The following RALGPS1 variants were observed in gnomAD, a reference collection of about 807,000 sequenced individuals.
The protein encoded by RALGPS1 is ras-specific guanine nucleotide-releasing factor RalGPS1.
In RALGPS1, 19 loss-of-function variants were observed where a neutral mutation model predicts 78.8. The observed-to-expected ratio is 0.24, with a 90% CI of 0.17 to 0.35. The LOEUF (loss-of-function observed/expected upper bound fraction) is 0.35, where lower values mean the gene tolerates loss of function less well. Among genes scored for constraint, RALGPS1 ranks in the 10% least tolerant of loss-of-function variants. The pLI is 1.00. For synonymous variants in RALGPS1, 228 were observed against 256.3 expected (o/e 0.89, Z 1.06); for missense variants, 454 against 688.3 (o/e 0.66, Z 3.81).
intron 8 of RALGPS1, among the ~76,000 whole-genome samples, chr9:127,136,731 C>T (rs143623010): frequency 3.3e-5 from 5 of 152,228 alleles, no homozygotes; most frequent in Admixed American, 6.5e-5. Flanking sequence ...ATTGTGATCA[C>T]GCAGGACCTG....
intron 8 of RALGPS1, 28 bp from the exon 9 acceptor site, chr9:127,166,041 C>G (rs1486409055): frequency 6.3e-7 from 1 of 1,589,032 alleles, no homozygotes; most frequent in Non-Finnish European, 8.5e-7. Flanking sequence ...AAGCTCCTTC[C>G]ATCATGAAAT....
chr9:126,988,408 T>A (rs988250733), intron 4 of RALGPS1, among the ~76,000 whole-genome samples: 2 of 151,924 alleles, frequency 1.3e-5, no homozygotes, highest in African/African-American at 4.8e-5. Flanking sequence ...CTGAGAGATT[T>A]AAAAAAACAA....
Position 127,221,537 on chromosome 9 carries a change from T to C in RALGPS1, c.*2768T>C, listed in dbSNP as rs2062775143. 6.6e-6 allele frequency: 1 copy of C among 152,148 alleles called. No individual in the cohort carries two copies. Among genetic ancestry groups the C allele is most frequent in the African/African-American group, 2.4e-5 (1 of 41,430 alleles). 9.4% of individuals were successfully genotyped at this position (152,148 alleles called of 1,614,324 possible). A position where few individuals can be genotyped will look rare whatever the true frequency, so the allele number is the denominator to read the frequency against. On this transcript the variant is annotated 3_prime_UTR_variant, in exon 19 of 19. Transcript: ENST00000259351. ...AACATGTTTTGTCATTCAAGATCAG[T>C]CAGGTGCATTCTGGCAACTGACATA...
At chr9:127,095,602 C>G (rs2053043177) in intron 8 of RALGPS1, among the ~76,000 whole-genome samples, 1 of 152,234 alleles carries the variant, frequency 6.6e-6, no homozygotes, top group Admixed American at 6.5e-5. Flanking sequence ...AAGGGAGGAG[C>G]TGACCTCACT....
intron 10 of RALGPS1, among the ~76,000 whole-genome samples, chr9:127,174,230 A>C (rs2059716408): frequency 6.6e-6 from 1 of 151,794 alleles, no homozygotes; most frequent in Non-Finnish European, 1.5e-5. Flanking sequence ...GAAAGAAAGA[A>C]AGACAGAGAG....
At chr9:126,977,930 G>C (rs2040833568) in intron 4 of RALGPS1, 185 bp downstream of exon 4, 2 of 486,068 alleles carry the variant, frequency 4.1e-6, no homozygotes, top group South Asian at 6.7e-5. Flanking sequence ...ATTTTCCAGA[G>C]AATGTCTCCC....
intron 1 of RALGPS1, among the ~76,000 whole-genome samples, chr9:126,916,619 AAAAAATACAAAAGTCAGCCGGGCAT>A: frequency 6.6e-6 from 1 of 152,200 alleles, no homozygotes. Context: ...CCTCTCTACT[AAAAAATACAAAAGTCAGCCGGGCAT>A]GGTGGCGGGC....
At position 127,211,950 on chromosome 9, in the gene RALGPS1, G is replaced by A. The variant is rs147966701; in HGVS notation, c.1248-181G>A. ...AGAGACAGGTGTGGGAGTCCTTGGC[G>A]GTGGGCCCTTCATGTGCGTTATCAC... is the stretch of plus-strand genomic sequence containing the variant. On this transcript the variant is annotated intron_variant, in intron 14 of 18. Coordinates refer to ENST00000259351, the MANE Select transcript of RALGPS1 (RefSeq NM_014636.3). This position sits in a 1 kb window ranked among gnomAD's most constrained non-coding sequence, Gnocchi z 5.0. Among the ~76,000 whole-genome samples, 6 of 152,314 alleles carry A rather than the reference G, an allele frequency of 3.9e-5. No homozygotes were observed. Among genetic ancestry groups the A allele is most frequent in the African/African-American group, 7.2e-5 (3 of 41,572 alleles).
In RALGPS1 at chr9:127,219,225, A is replaced by G. The variant is rs916855799; in HGVS notation, c.*456A>G. 2 of 214,854 alleles carry G rather than the reference A, an allele frequency of 9.3e-6. No individual in the cohort carries two copies. Among genetic ancestry groups the G allele is most frequent in the South Asian group, 7.8e-5 (1 of 12,862 alleles). 13.3% of individuals were successfully genotyped at this position (214,854 alleles called of 1,614,324 possible). On this transcript the variant is annotated 3_prime_UTR_variant, in exon 19 of 19. Coordinates refer to ENST00000259351, the MANE Select transcript of RALGPS1 (RefSeq NM_014636.3). The surrounding 1 kb of genome is among the most constrained non-coding windows in gnomAD (Gnocchi z 5.0). ...ACAGGGCTGCCTCAGATTTTGTACA[A>G]CCCCGAAGCGTCCTCTGCGTGTGCG...
chr9:127,111,111 C>G (rs550880321), intron 8 of RALGPS1, among the ~76,000 whole-genome samples: 85 of 152,302 alleles, frequency 5.6e-4, no homozygotes, highest in African/African-American at 1.9e-3. Flanking sequence ...ACGATCATCT[C>G]CTCCAACCAC....
At chr9:126,958,142 A>AAAAATATATAAAT (rs113413659) in intron 1 of RALGPS1, among the ~76,000 whole-genome samples, 3 of 77,084 alleles carry the variant, frequency 3.9e-5, no homozygotes, top group Non-Finnish European at 5.5e-5. Context: ...AAAAAAAAAA[A>AAAAATATATAAAT]ATATATATAT....
chr9:127,158,059 C>T (rs1168758897), intron 8 of RALGPS1, among the ~76,000 whole-genome samples: 1 of 152,040 alleles, frequency 6.6e-6, no homozygotes, highest in Non-Finnish European at 1.5e-5. Context: ...TGATTGGTCT[C>T]TGTTTTATGC....
Position 127,179,684 on chromosome 9 carries a change from C to T in RALGPS1, c.910+4902C>T, listed in dbSNP as rs1234631959. 3.9e-5 allele frequency among the ~76,000 whole-genome samples: 6 copies of T among 152,314 alleles called. 1 individual carries two copies. In the South Asian group the frequency reaches 6.2e-4, roughly 16 times the overall value. On this transcript the variant is annotated intron_variant, in intron 11 of 18. Transcript: ENST00000259351. ...TTCCCCACAAAGCTCACATTTTAGT[C>T]GGGGAACCAGGCAGCAAAAGCTGCC... is the stretch of plus-strand genomic sequence containing the variant.
At chr9:127,062,800 G>A (rs956510101) in intron 7 of RALGPS1, among the ~76,000 whole-genome samples, 2 of 152,166 alleles carry the variant, frequency 1.3e-5, no homozygotes, top group African/African-American at 4.8e-5. Context: ...TGTTACATGC[G>A]ATAGTCTCCA....
At chr9:127,174,659 G>A in intron 10 of RALGPS1, 56 bp from the exon 11 acceptor site, 9 of 1,516,310 alleles carry the variant, frequency 5.9e-6, no homozygotes, top group Non-Finnish European at 8.2e-6. Flanking sequence ...GCCCCAAACA[G>A]GTTCCTGTGT....
At chr9:127,047,015 G>T (rs937850691) in intron 5 of RALGPS1, among the ~76,000 whole-genome samples, 12 of 150,534 alleles carry the variant, frequency 8.0e-5, no homozygotes, top group Admixed American at 7.9e-4. Context: ...GATAGTAACT[G>T]GTATTGGCCT....
chr9:127,056,120 A>G (rs1050973717), intron 7 of RALGPS1, among the ~76,000 whole-genome samples: 2 of 152,186 alleles, frequency 1.3e-5, no homozygotes, highest in African/African-American at 4.8e-5. Context: ...CTGTCTTTGC[A>G]CCTCAGTTGG....
At position 126,934,029 on chromosome 9, in the gene RALGPS1, C is replaced by T. The variant is rs556210574; in HGVS notation, c.-66+19054C>T. Among the ~76,000 whole-genome samples the T allele has an allele frequency of 2.6e-5, 4 of 152,286 alleles. No individual in the cohort carries two copies. The South Asian group carries it at 8.3e-4, about 32-fold the overall frequency. On this transcript the variant is annotated intron_variant, in intron 1 of 18. Coordinates refer to ENST00000259351, the MANE Select transcript of RALGPS1 (RefSeq NM_014636.3). ...GGGTTCATTCCCCATGCACACCTTACATGCTTATTTACCACAGCGTGTATC... is the reference window on the plus strand; with the variant it reads ...GGGTTCATTCCCCATGCACACCTTATATGCTTATTTACCACAGCGTGTATC...
intron 1 of RALGPS1, among the ~76,000 whole-genome samples, chr9:126,936,014 C>T (rs570995660): frequency 1.1e-4 from 17 of 152,318 alleles, no homozygotes; most frequent in African/African-American, 3.8e-4. Context: ...ACTGCCTCCC[C>T]CCGTTGTCAC....
Sources: allele counts gnomAD v4.1 joint callset (sites outside exome capture counted in the v4.1 genomes callset), GRCh38; gene constraint gnomAD v4.1.1; non-coding constraint Gnocchi (gnomAD v3.1); transcripts MANE v1.5; gene names NCBI Gene and HGNC (gene_info 2026-07-23, HGNC 2026-07-21).